Variants in COP1 observed in about 807,000 individuals in gnomAD.
COP1 encodes the protein E3 ubiquitin-protein ligase COP1.
A neutral mutation model predicts 101.3 loss-of-function variants in COP1; 24 were observed. The ratio of observed to expected loss-of-function variants is 0.24; its 90% CI spans 0.17 to 0.33. The LOEUF is 0.33. Among genes scored for constraint, COP1 ranks in the 10% least tolerant of loss-of-function variants. The probability of loss-of-function intolerance (pLI) is 1.00; values close to 1 mark genes in which losing one functional copy is unlikely to be tolerated. For synonymous variants in COP1, 347 were observed against 341.9 expected, an observed-to-expected ratio of 1.01 and a Z score of -0.17; for missense variants, 663 against 906.2, an observed-to-expected ratio of 0.73 and a Z score of 3.45.
intron 9 of COP1, among the ~76,000 whole-genome samples, chr1:176,096,617 A>G (rs1682433928): frequency 6.6e-6 from 1 of 152,170 alleles, no homozygotes; most frequent in South Asian, 2.1e-4. Flanking sequence ...TTACCCTTAC[A>G]CTATGAACTG....
At chr1:176,190,519 T>C (rs1287483277) in intron 1 of COP1, among the ~76,000 whole-genome samples, 1 of 96,512 alleles carries the variant, frequency 1.0e-5, no homozygotes, top group Non-Finnish European at 2.5e-5. Context: ...TGTATGTCAC[T>C]TGGGACATTT....
At chr1:175,980,205 T>C (rs1655481842) in intron 18 of COP1, among the ~76,000 whole-genome samples, 1 of 126,034 alleles carries the variant, frequency 7.9e-6, no homozygotes, top group Non-Finnish European at 1.8e-5. Context: ...TCAACCTAGG[T>C]AGCCTGGCTC....
intron 9 of COP1, among the ~76,000 whole-genome samples, chr1:176,105,774 GTAA>G (rs1448250377): frequency 5.9e-5 from 9 of 152,288 alleles, no homozygotes; most frequent in South Asian, 2.1e-4. Context: ...GCATTGTTTA[GTAA>G]TAATAATTGA....
chr1:176,099,242 A>T (rs1682951678), intron 9 of COP1, among the ~76,000 whole-genome samples: 1 of 152,200 alleles, frequency 6.6e-6, no homozygotes, highest in Admixed American at 6.5e-5. Flanking sequence ...GTTTCTAATA[A>T]CTTTGGAGAT....
intron 9 of COP1, among the ~76,000 whole-genome samples, chr1:176,106,973 G>C (rs1471038532): frequency 6.6e-6 from 1 of 152,104 alleles, no homozygotes; most frequent in Non-Finnish European, 1.5e-5. Context: ...TGGTGACAAA[G>C]CAATTCCGGT....
intron 14 of COP1, 48 bp downstream of exon 14, chr1:176,043,138 A>T: frequency 8.9e-7 from 1 of 1,129,506 alleles, no homozygotes; most frequent in Non-Finnish European, 1.3e-6. Flanking sequence ...AATTACAGTT[A>T]AGAGGGCCAG....
chr1:175,951,251 A>AACAT (rs1553274481), intron 18 of COP1, among the ~76,000 whole-genome samples: 2 of 151,384 alleles, frequency 1.3e-5, no homozygotes, highest in African/African-American at 4.8e-5. Context: ...CTCCATCTCA[A>AACAT]AAATAAATAA....
chr1:176,196,221 T>G (rs1393084672), intron 1 of COP1, among the ~76,000 whole-genome samples: 1 of 151,750 alleles, frequency 6.6e-6, no homozygotes, highest in Admixed American at 6.6e-5. Context: ...AAAGAAAACA[T>G]GAAACTCCAA....
chr1:176,089,191 G>A (rs1320175112), intron 9 of COP1, among the ~76,000 whole-genome samples: 3 of 151,866 alleles, frequency 2.0e-5, no homozygotes, highest in Non-Finnish European at 2.9e-5. Flanking sequence ...TACTTGGGAG[G>A]CTGGGGCAGG....
chr1:176,191,545 G>A (rs938672488), intron 1 of COP1, among the ~76,000 whole-genome samples: 4 of 150,450 alleles, frequency 2.7e-5, no homozygotes, highest in African/African-American at 7.3e-5. Context: ...AATTCAACTG[G>A]CCCCAAGTAT....
At position 176,191,532 on chromosome 1, in the gene COP1, C is replaced by G. The variant is rs578246620; in HGVS notation, c.408-6840G>C. Reference sequence around the variant, plus strand: ...CCTTTGCTTCCTTCAAAAGCAGCATCCAAATTCAACTGGCCCCAAGTATAT... The same window carrying G: ...CCTTTGCTTCCTTCAAAAGCAGCATGCAAATTCAACTGGCCCCAAGTATAT... On this transcript the variant is annotated intron_variant, in intron 1 of 19. Coordinates refer to ENST00000367669, the MANE Select transcript of COP1 (RefSeq NM_022457.7). 2.0e-5 allele frequency among the ~76,000 whole-genome samples: 3 copies of G among 151,922 alleles called. No individual in the cohort carries two copies. The South Asian group carries it at 6.2e-4, about 32-fold the overall frequency.
chr1:176,113,752 CT>C (rs1378420731), intron 9 of COP1, among the ~76,000 whole-genome samples: 1 of 152,100 alleles, frequency 6.6e-6, no homozygotes, highest in Non-Finnish European at 1.5e-5. Flanking sequence ...GATTAAGGCA[CT>C]TGTTAAATAA....
At chr1:176,169,497 A>G (rs1240892672) in intron 3 of COP1, among the ~76,000 whole-genome samples, 1 of 152,242 alleles carries the variant, frequency 6.6e-6, no homozygotes, top group Non-Finnish European at 1.5e-5. Context: ...AGGCCCCACA[A>G]TAAAGCAAGT....
intron 15 of COP1, among the ~76,000 whole-genome samples, chr1:175,992,018 ATTATCT>A (rs1658624213): frequency 6.6e-6 from 1 of 152,354 alleles, no homozygotes; most frequent in East Asian, 1.9e-4. Context: ...ATAGTTATTT[ATTATCT>A]TTATCAAGTA....
At chr1:176,031,101 G>C (rs569847742) in intron 14 of COP1, among the ~76,000 whole-genome samples, 1 of 152,196 alleles carries the variant, frequency 6.6e-6, no homozygotes, top group African/African-American at 2.4e-5. Context: ...TTCACAGAGA[G>C]TGTGGCCCTG....
At position 176,058,190 on chromosome 1, in the gene COP1, G is replaced by GGC. The variant is rs1251703890; in HGVS notation, c.1278-11867_1278-11866insGC. Reference sequence around the variant, plus strand: ...CCGCCCCGCCCGGTAGGGAGGGGGGGGGTCAGCCCCTGCCCAGCCGCCCCT... The same window carrying GGC: ...CCGCCCCGCCCGGTAGGGAGGGGGGGGCGGTCAGCCCCTGCCCAGCCGCCCCT... On this transcript the variant is annotated intron_variant, in intron 11 of 19. Transcript: ENST00000367669. Among the ~76,000 whole-genome samples, 70 of 149,606 alleles carry GGC rather than the reference G, an allele frequency of 4.7e-4. No individual in the cohort carries two copies. In the East Asian group the frequency reaches 5.3e-3, roughly 11 times the overall value.
chr1:175,985,955 C>T (rs950215369), intron 18 of COP1, among the ~76,000 whole-genome samples: 1 of 152,104 alleles, frequency 6.6e-6, no homozygotes, highest in African/African-American at 2.4e-5. Context: ...CCCAACTAAT[C>T]ACCTAAAAAG....
intron 15 of COP1, among the ~76,000 whole-genome samples, chr1:175,992,846 CT>C (rs1658967674): frequency 6.6e-6 from 1 of 152,226 alleles, no homozygotes; most frequent in Non-Finnish European, 1.5e-5. Context: ...GCAGTAACCT[CT>C]GCAGACTTAA....
At chr1:176,023,138 C>A (rs190827169) in intron 15 of COP1, among the ~76,000 whole-genome samples, 219 of 152,244 alleles carry the variant, frequency 1.4e-3, no homozygotes, top group African/African-American at 4.8e-3. Context: ...GCTCTCCTGG[C>A]CTATCTGATG....
Sources: gnomAD v4.1 joint callset for allele counts (sites outside exome capture counted in the v4.1 genomes callset) on GRCh38, gnomAD v4.1.1 for gene constraint, MANE v1.5 for transcripts, NCBI Gene and HGNC (gene_info 2026-07-23, HGNC 2026-07-21) for gene names.